The following ASTN1 variants were observed in gnomAD, a reference collection of about 807,000 sequenced individuals.
ASTN1 encodes astrotactin-1.
Under a neutral mutation model 140.7 loss-of-function variants are expected in ASTN1, and 41 were observed. The ratio of observed to expected loss-of-function variants is 0.29; its 90% CI spans 0.23 to 0.38. ASTN1 has a LOEUF of 0.38. Among genes scored for constraint, ASTN1 ranks in the 10% least tolerant of loss-of-function variants. The pLI is 1.00. For missense variants in ASTN1, 1,479 were observed against 1,678.8 expected, an observed-to-expected ratio of 0.88 and a Z score of 2.08; for synonymous variants, 640 against 652.2, an observed-to-expected ratio of 0.98 and a Z score of 0.29.
intron 8 of ASTN1, among the ~76,000 whole-genome samples, chr1:177,014,344 G>GTC (rs1358842054): frequency 6.6e-6 from 1 of 152,208 alleles, no homozygotes; most frequent in Non-Finnish European, 1.5e-5. Flanking sequence ...TACTTCCTGA[G>GTC]TCTCTGTATG....
chr1:177,000,048 T>C (rs1357675366), intron 8 of ASTN1, among the ~76,000 whole-genome samples: 1 of 152,204 alleles, frequency 6.6e-6, no homozygotes, highest in Non-Finnish European at 1.5e-5. Flanking sequence ...GGATAGCTAA[T>C]ACATGGGATC....
At chr1:176,935,862 C>G (rs556093330) in intron 15 of ASTN1, among the ~76,000 whole-genome samples, 67 of 152,068 alleles carry the variant, frequency 4.4e-4, no homozygotes, top group African/African-American at 1.3e-3. Flanking sequence ...TTCCGTCCCC[C>G]CTCTTTCTTG....
At chr1:176,929,488 G>T (rs184645601) in intron 16 of ASTN1, among the ~76,000 whole-genome samples, 1 of 152,170 alleles carries the variant, frequency 6.6e-6, no homozygotes. Context: ...AAGAAGGACC[G>T]GGTGATTCCT....
rs1442684688 is a variant in ASTN1 at position 176,864,302 on chromosome 1, C to A, written c.3867G>T (p.Gly1289=). 6.2e-7 allele frequency: 1 copy of A among 1,614,008 alleles called. No individual in the cohort carries two copies. The highest frequency in any genetic ancestry group is 8.5e-7 in the Non-Finnish European group (1 of 1,179,992). The change falls in exon 23 of 23, where the codon GGG becomes GGT. Residue 1289 remains glycine (G), a synonymous_variant. Coordinates refer to ENST00000361833, the MANE Select transcript of ASTN1 (RefSeq NM_004319.3). ...TATGGTGCTAGATCTCTTTGCTGTC[C>A]CCATAGTCGTTGTAGGGGATACTCA... is the stretch of plus-strand genomic sequence containing the variant. ...QTLSIPYNDY[G]DSKEI is the part of the protein sequence containing the mutation.
rs191706078 is a variant in ASTN1, at chr1:177,145,780, A to G, written c.283+18614T>C. On this transcript the variant is annotated intron_variant, in intron 1 of 22. Transcript: ENST00000361833. ...CAAACTAGTATGTTATTCTGTGGGAATGTTGTAATAGAGATATAAACCAAG... is the reference window on the plus strand; with the variant it reads ...CAAACTAGTATGTTATTCTGTGGGAGTGTTGTAATAGAGATATAAACCAAG... Among the ~76,000 whole-genome samples, 21 of 152,310 alleles carry G rather than the reference A, an allele frequency of 1.4e-4. No individual in the cohort carries two copies. In the East Asian group the frequency reaches 3.9e-3, roughly 28 times the overall value.
rs1354643034 is a variant in ASTN1 at position 176,945,987 on chromosome 1, A to G, written c.2188T>C (p.Phe730Leu). The change falls in exon 13 of 23, where the codon TTT becomes CTT. Residue 730 changes from phenylalanine (F) to leucine (L), a missense_variant. Phe to Leu is a conservative substitution (Grantham distance 22). This residue lies in a region of ASTN1 where 746 missense variants were observed against 800.9 expected (regional missense o/e 0.93). Coordinates refer to ENST00000361833, the MANE Select transcript of ASTN1 (RefSeq NM_004319.3). ...MNQTLFGEMF[F>L]GYNNHSKEVA... ...TCCTTGGAATGGTTGTTGTAACCAAAGAACATCTCCCCAAAGAGGGTCTGG... is the reference window on the plus strand; with the variant it reads ...TCCTTGGAATGGTTGTTGTAACCAAGGAACATCTCCCCAAAGAGGGTCTGG... The G allele has an allele frequency of 3.1e-6, 5 of 1,613,984 alleles. No individual in the cohort carries two copies. In the African/African-American group the frequency reaches 6.7e-5, roughly 22 times the overall value.
chr1:176,972,375 G>C (rs1012162040), intron 8 of ASTN1, among the ~76,000 whole-genome samples: 5 of 152,234 alleles, frequency 3.3e-5, no homozygotes, highest in African/African-American at 1.2e-4. Flanking sequence ...GCAGTCATTT[G>C]TGCAAACACA....
chr1:176,894,187 C>T (rs1669391283), intron 17 of ASTN1, among the ~76,000 whole-genome samples: 1 of 152,122 alleles, frequency 6.6e-6, no homozygotes, highest in Non-Finnish European at 1.5e-5. Flanking sequence ...GCTGGCCCAC[C>T]TCCCAAGCCA....
intron 11 of ASTN1, among the ~76,000 whole-genome samples, chr1:176,949,572 T>C (rs1452409657): frequency 6.6e-6 from 1 of 152,224 alleles, no homozygotes; most frequent in Non-Finnish European, 1.5e-5. Flanking sequence ...CACACACATT[T>C]GCATTAAAGA....
chr1:177,063,353 T>C (rs1243859953), intron 1 of ASTN1, among the ~76,000 whole-genome samples: 3 of 152,066 alleles, frequency 2.0e-5, no homozygotes, highest in Non-Finnish European at 4.4e-5. Flanking sequence ...AGTCATCCCA[T>C]TGGGTTGCTA....
At chr1:177,098,556 T>G (rs773691717) in intron 1 of ASTN1, among the ~76,000 whole-genome samples, 5 of 152,200 alleles carry the variant, frequency 3.3e-5, no homozygotes, top group African/African-American at 4.8e-5. Flanking sequence ...TTAATTAGCA[T>G]TGGATGTGTG....
chr1:176,858,200 C>T (rs761645514), downstream of ASTN1, among the ~76,000 whole-genome samples: 1 of 152,128 alleles, frequency 6.6e-6, no homozygotes, highest in Non-Finnish European at 1.5e-5. Context: ...CTGCAAACTA[C>T]CAGAACAAAG....
chr1:177,031,147 C>G (rs1676419414), intron 3 of ASTN1, among the ~76,000 whole-genome samples, 195 bp from the exon 4 acceptor site: 1 of 152,140 alleles, frequency 6.6e-6, no homozygotes, highest in African/African-American at 2.4e-5. Flanking sequence ...ATGGGAGAAG[C>G]AGTGAAGTCA....
At chr1:177,046,017 T>G (rs922233364) in intron 2 of ASTN1, among the ~76,000 whole-genome samples, 1 of 152,152 alleles carries the variant, frequency 6.6e-6, no homozygotes, top group African/African-American at 2.4e-5. Context: ...TGACTACAGG[T>G]AGGATGGAGA....
At chr1:176,954,170 C>T (rs1472481870) in intron 11 of ASTN1, among the ~76,000 whole-genome samples, 1 of 152,090 alleles carries the variant, frequency 6.6e-6, no homozygotes, top group Non-Finnish European at 1.5e-5. Flanking sequence ...GATATCACCT[C>T]ACATGGCAAA....
At position 177,164,497 on chromosome 1, in the gene ASTN1, C is replaced by T; in HGVS notation, c.180G>A (p.Ser60=). ...AGAAGAGGAGCTTGGGCTCCGAGGC[C>T]GAGGGGCTGTGCATGATGCTCAGGT... is the stretch of plus-strand genomic sequence containing the variant. The part of the protein sequence containing the change: ...ENDLSIMHSP[S]ASEPKLLFSV... Residue 60 remains serine, a synonymous_variant, in exon 1 of 23, where the codon TCG becomes TCA. Transcript: ENST00000361833. The T allele has an allele frequency of 6.2e-7, 1 of 1,613,938 alleles. No individual in the cohort carries two copies. The highest frequency in any genetic ancestry group is 1.7e-5 in the Admixed American group (1 of 60,006).
Position 177,014,781 on chromosome 1 carries a change from C to A in ASTN1, c.1523+10G>T. ...GTGGGAACCAGCTAAGTCGTCATGC[C>A]CTCACTTACCCCTGGTTTGTCCCCC... On this transcript the variant is annotated intron_variant, in intron 8 of 22. Transcript: ENST00000361833. 6.2e-7 allele frequency: 1 copy of A among 1,610,816 alleles called. No individual in the cohort carries two copies. The highest frequency in any genetic ancestry group is 8.5e-7 in the Non-Finnish European group (1 of 1,177,178).
intron 1 of ASTN1, among the ~76,000 whole-genome samples, chr1:177,080,104 C>G (rs544610490): frequency 1.1e-4 from 16 of 151,972 alleles, no homozygotes; most frequent in African/African-American, 3.6e-4. Flanking sequence ...AATGCTTAAG[C>G]AACAATGTCA....
chr1:176,968,836 T>G (rs1309263267), intron 8 of ASTN1, among the ~76,000 whole-genome samples: 1 of 151,712 alleles, frequency 6.6e-6, no homozygotes, highest in East Asian at 1.9e-4. Context: ...CCACTGAGAA[T>G]GTTAAAAGGG....
Sources: allele counts gnomAD v4.1 joint callset (sites outside exome capture counted in the v4.1 genomes callset), GRCh38; gene constraint gnomAD v4.1.1; regional missense constraint gnomAD v4.1.1; transcripts MANE v1.5; gene names NCBI Gene and HGNC (gene_info 2026-07-23, HGNC 2026-07-21).